The following SH3GL1 variants were observed in gnomAD, a reference collection of about 807,000 sequenced individuals.
SH3GL1 encodes SH3 domain containing GRB2 like 1, endophilin A2.
A neutral mutation model predicts 48.8 loss-of-function variants in SH3GL1; 21 were observed. The ratio of observed to expected loss-of-function variants is 0.43; its 90% CI spans 0.30 to 0.62. SH3GL1 has a LOEUF of 0.62. Among genes scored for constraint, SH3GL1 ranks in the 20% least tolerant of loss-of-function variants. The pLI is 0.11. For missense variants in SH3GL1, 454 were observed against 503.0 expected, an observed-to-expected ratio of 0.90 and a Z score of 0.93; for synonymous variants, 282 against 217.5, an observed-to-expected ratio of 1.30 and a Z score of -2.61.
At chr19:4,375,355 G>T (rs1230285777) in intron 1 of SH3GL1, among the ~76,000 whole-genome samples, 1 of 152,232 alleles carries the variant, frequency 6.6e-6, no homozygotes, top group Non-Finnish European at 1.5e-5. Context: ...GGAAGGTCAA[G>T]GGATCCCCAC....
chr19:4,387,309 GT>G (rs1032491966), intron 1 of SH3GL1, among the ~76,000 whole-genome samples: 1 of 149,644 alleles, frequency 6.7e-6, no homozygotes, highest in South Asian at 2.1e-4. Context: ...CTTTGTTTTT[GT>G]TTTTTTTAGG....
At chr19:4,393,703 T>C (rs1170973856) in intron 1 of SH3GL1, among the ~76,000 whole-genome samples, 1 of 151,736 alleles carries the variant, frequency 6.6e-6, no homozygotes, top group Non-Finnish European at 1.5e-5. Context: ...GGCAGAAGAA[T>C]TGCTTGAACC....
At position 4,363,173 on chromosome 19, in the gene SH3GL1, G is replaced by T. The variant is rs243260; in HGVS notation, c.728+197C>A. On this transcript the variant is annotated intron_variant, in intron 7 of 9. Transcript: ENST00000269886. ...CCGGGGCCTGCATCGGGGCAGGGCT[G>T]GGTGTTGACTCAGAGTTCTCAGAGC... 0.62 allele frequency among the ~76,000 whole-genome samples: 94,695 copies of T among 152,048 alleles called. 29,923 individuals are homozygous for T. Among genetic ancestry groups the T allele is most frequent in the African/African-American group, 0.73 (30,122 of 41,488 alleles).
Position 4,364,076 on chromosome 19 carries a change from C to G in SH3GL1, c.465+12G>C, listed in dbSNP as rs372861834. The G allele has an allele frequency of 6.2e-7, 1 of 1,611,872 alleles. No individual in the cohort carries two copies. The highest frequency in any genetic ancestry group is 1.7e-5 in the Admixed American group (1 of 60,022). ...GGAAGGGACAGGCCCCAGGCTGGCG[C>G]AGGAGCAGCACCTGGATCTCCTTCA... On this transcript the variant is annotated intron_variant, in intron 5 of 9. Coordinates refer to ENST00000269886, the MANE Select transcript of SH3GL1 (RefSeq NM_003025.4).
rs887777308 is a variant in SH3GL1, at chr19:4,365,344, C to G, written c.331+138G>C. 6.8e-6 allele frequency: 8 copies of G among 1,183,990 alleles called. No homozygotes were observed. The Admixed American group carries it at 1.2e-4, about 18-fold the overall frequency. 73.3% of individuals were successfully genotyped at this position (1,183,990 alleles called of 1,614,324 possible). ...ATGGGTTGGTCTGTGCAGTCTCCTGCACCTCTGCAGCTGGAAAGCTGTGGG... is the reference window on the plus strand; with the variant it reads ...ATGGGTTGGTCTGTGCAGTCTCCTGGACCTCTGCAGCTGGAAAGCTGTGGG... On this transcript the variant is annotated intron_variant, in intron 4 of 9. Coordinates refer to ENST00000269886, the MANE Select transcript of SH3GL1 (RefSeq NM_003025.4).
rs772764780 is a variant in SH3GL1, at chr19:4,366,504, G to T, written c.184C>A (p.Pro62Thr). 6.2e-7 allele frequency: 1 copy of T among 1,609,268 alleles called. No individual in the cohort carries two copies. The highest frequency in any genetic ancestry group is 8.5e-7 in the Non-Finnish European group (1 of 1,178,600). The change falls in exon 3 of 10, where the codon CCA (proline) becomes ACA (threonine). Residue 62 changes from proline (P) to threonine (T), a missense_variant. Transcript: ENST00000269886. ...TGGCAGTGGCTGGAGCACCCACCTG[G>T]GTTGGGCTGCAGGTACTCGATGGTC... is the stretch of plus-strand genomic sequence containing the variant. ...ARTIEYLQPN[P>T]ASRAKLTMLN... is the part of the protein sequence containing the mutation.
In SH3GL1 at chr19:4,362,616, G is replaced by C. The variant is rs200662405; in HGVS notation, c.849C>G (p.Ile283Met). ...GGFPCTTAPK[I>M]AASSSFRSSD... Reference sequence around the variant, plus strand: ...GAGGGCTCCATGCCCCATTACCTGCGATCTTGGGGGCTGTGGTGCAGGGGA... The same window carrying C: ...GAGGGCTCCATGCCCCATTACCTGCCATCTTGGGGGCTGTGGTGCAGGGGA... Residue 283 changes from isoleucine to methionine, a missense_variant, in exon 8 of 10, where the codon ATC (isoleucine) becomes ATG (methionine). Ile to Met is a conservative substitution (Grantham distance 10). Around this residue, in one of 2 missense-constraint regions of SH3GL1, gnomAD observed 278 missense variants for 246.8 expected, o/e 1.13. Transcript: ENST00000269886. 1 of 1,613,684 alleles carries C rather than the reference G, an allele frequency of 6.2e-7. No homozygotes were observed. The highest frequency in any genetic ancestry group is 1.1e-5 in the South Asian group (1 of 91,068).
chr19:4,372,134 G>C (rs1481191107), intron 1 of SH3GL1, among the ~76,000 whole-genome samples: 1 of 152,208 alleles, frequency 6.6e-6, no homozygotes, highest in Non-Finnish European at 1.5e-5. Context: ...AGGACTAGGG[G>C]ACAACAGCCC....
At chr19:4,382,194 G>C (rs934785707) in intron 1 of SH3GL1, among the ~76,000 whole-genome samples, 1 of 150,396 alleles carries the variant, frequency 6.6e-6, no homozygotes, top group African/African-American at 2.4e-5. Context: ...GCTATCTCTT[G>C]TTCTCTCTTC....
intron 1 of SH3GL1, among the ~76,000 whole-genome samples, chr19:4,384,369 C>T (rs886246613): frequency 1.3e-5 from 2 of 152,244 alleles, no homozygotes; most frequent in African/African-American, 2.4e-5. Flanking sequence ...GTTGAAATAA[C>T]ACACTTTACG....
chr19:4,378,616 G>A (rs1406961429), intron 1 of SH3GL1, among the ~76,000 whole-genome samples: 2 of 152,182 alleles, frequency 1.3e-5, no homozygotes, highest in South Asian at 2.1e-4. Flanking sequence ...TTGGGAGGCT[G>A]AGGCAGCAGA....
chr19:4,390,880 C>T (rs1260320702), intron 1 of SH3GL1, among the ~76,000 whole-genome samples: 3 of 152,124 alleles, frequency 2.0e-5, no homozygotes, highest in Non-Finnish European at 2.9e-5. Flanking sequence ...CCGAAACCTG[C>T]GGCTGCCTCC....
In SH3GL1 at chr19:4,363,410, C is replaced by T. The variant is rs369234045; in HGVS notation, c.688G>A (p.Val230Met). 6.9e-5 allele frequency: 111 copies of T among 1,611,552 alleles called. No homozygotes were observed. The African/African-American group carries it at 8.9e-4, about 13-fold the overall frequency. ...TCCGCCAGCTCGTCCAGGATCTGCA[C>T]GGCCTGCCGGTGGTAGTCCAGCTGT... Reference protein sequence around the residue: ...DAQLDYHRQAVQILDELAEKL... With the variant: ...DAQLDYHRQAMQILDELAEKL... The change falls in exon 7 of 10, where the codon GTG becomes ATG. Residue 230 changes from valine to methionine, a missense_variant. Around this residue, in one of 2 missense-constraint regions of SH3GL1, gnomAD observed 278 missense variants for 246.8 expected, o/e 1.13. Transcript: ENST00000269886.
At chr19:4,397,742 T>C (rs1172711952) in intron 1 of SH3GL1, among the ~76,000 whole-genome samples, 19 of 152,188 alleles carry the variant, frequency 1.2e-4, no homozygotes, top group Admixed American at 1.2e-3. Flanking sequence ...GTGACAACTC[T>C]AAAATTCGTC....
chr19:4,370,191 G>A (rs1411143618), intron 1 of SH3GL1, among the ~76,000 whole-genome samples: 1 of 152,216 alleles, frequency 6.6e-6, no homozygotes, highest in African/African-American at 2.4e-5. Context: ...TTGTGGGGCA[G>A]CCAGCCCCAA....
At chr19:4,379,419 CTG>C (rs1973075237) in intron 1 of SH3GL1, among the ~76,000 whole-genome samples, 1 of 147,006 alleles carries the variant, frequency 6.8e-6, no homozygotes, top group Non-Finnish European at 1.5e-5. Flanking sequence ...GCGCAAGATG[CTG>C]TCTCAAAAAA....
At chr19:4,391,539 G>A (rs1264646576) in intron 1 of SH3GL1, among the ~76,000 whole-genome samples, 2 of 152,186 alleles carry the variant, frequency 1.3e-5, no homozygotes, top group Non-Finnish European at 2.9e-5. Flanking sequence ...GCAGTCACGG[G>A]TGGCAGAAAT....
intron 9 of SH3GL1, 32 bp downstream of exon 9, chr19:4,362,297 A>G (rs1441694532): frequency 6.2e-7 from 1 of 1,604,080 alleles, no homozygotes; most frequent in Non-Finnish European, 8.5e-7. Context: ...AGAAGGCAGC[A>G]CTGAGGTCGA....
chr19:4,374,412 G>A (rs1972964806), intron 1 of SH3GL1, among the ~76,000 whole-genome samples: 1 of 152,208 alleles, frequency 6.6e-6, no homozygotes, highest in Non-Finnish European at 1.5e-5. Context: ...CCCAGGGCCA[G>A]AAGGACCTCT....
Sources: allele counts gnomAD v4.1 joint callset (sites outside exome capture counted in the v4.1 genomes callset), GRCh38; gene constraint gnomAD v4.1.1; regional missense constraint gnomAD v4.1.1; transcripts MANE v1.5; gene names NCBI Gene and HGNC (gene_info 2026-07-23, HGNC 2026-07-21).